Variants in VPS13C observed in about 807,000 individuals in gnomAD.
VPS13C encodes vacuolar protein sorting 13 homolog C.
VPS13C carries 358 observed loss-of-function variants against 456.8 expected under a neutral mutation model. That is an observed-to-expected ratio of 0.78 (90% CI 0.72 to 0.86). The LOEUF is 0.86. Among genes scored for constraint, VPS13C ranks in the 40% least tolerant of loss-of-function variants. The pLI, the probability that VPS13C is intolerant of heterozygous loss-of-function variation, is 0.00. For missense variants in VPS13C, 4,818 were observed against 4,385.4 expected, an observed-to-expected ratio of 1.10 and a Z score of -2.79; for synonymous variants, 1,578 against 1,486.7, an observed-to-expected ratio of 1.06 and a Z score of -1.41.
chr15:62,055,541 T>G (rs1157045085), intron 1 of VPS13C, among the ~76,000 whole-genome samples: 1 of 151,612 alleles, frequency 6.6e-6, no homozygotes, highest in Non-Finnish European at 1.5e-5. Flanking sequence ...GTGCCTGGCC[T>G]CTCAACCTTT....
chr15:61,931,602 G>T (rs1258593598), intron 49 of VPS13C, among the ~76,000 whole-genome samples: 1 of 148,168 alleles, frequency 6.7e-6, no homozygotes, highest in East Asian at 1.9e-4. Context: ...TTTTGAGATG[G>T]AGTTTCGCTC....
intron 13 of VPS13C, among the ~76,000 whole-genome samples, chr15:62,010,127 T>G (rs897228117): frequency 2.0e-5 from 3 of 151,874 alleles, no homozygotes; most frequent in African/African-American, 7.3e-5. Context: ...GAGGTAGAGC[T>G]TGCAGTGACC....
At chr15:61,951,689 A>G in intron 39 of VPS13C, 135 bp downstream of exon 39, 1 of 844,384 alleles carries the variant, frequency 1.2e-6, no homozygotes, top group Non-Finnish European at 1.7e-6. Context: ...GTACCCAGGG[A>G]CTGTTTTTGA....
intron 66 of VPS13C, among the ~76,000 whole-genome samples, chr15:61,891,982 G>C (rs1272151800): frequency 2.0e-5 from 3 of 152,128 alleles, no homozygotes; most frequent in African/African-American, 7.2e-5. Flanking sequence ...GCCTCTCCCC[G>C]AATCTGCCTG....
chr15:62,047,294 C>G (rs2048442301), intron 1 of VPS13C, among the ~76,000 whole-genome samples: 1 of 151,808 alleles, frequency 6.6e-6, no homozygotes. Flanking sequence ...CGGGCATGGG[C>G]ATGGTGGCAT....
intron 59 of VPS13C, among the ~76,000 whole-genome samples, chr15:61,917,851 C>CA (rs1430400906): frequency 6.6e-6 from 1 of 150,378 alleles, no homozygotes; most frequent in Non-Finnish European, 1.5e-5. Flanking sequence ...AACAAACAAA[C>CA]AAAAAACAAC....
Position 61,973,474 on chromosome 15 carries a change from A to G in VPS13C, c.2597T>C (p.Leu866Ser), listed in dbSNP as rs570900795. ...GTKGLLGTSL[L>S]LDTVESESDD... ...CTTACCTGATTCCACAGTGTCTAGCAATAGTGAAGTACCAAGTAGACCTTT... is the reference window on the plus strand; with the variant it reads ...CTTACCTGATTCCACAGTGTCTAGCGATAGTGAAGTACCAAGTAGACCTTT... The change falls in exon 26 of 85, where the codon TTG becomes TCG. Residue 866 changes from leucine (L) to serine (S), a missense_variant. Physicochemically the swap from Leu to Ser is moderately radical, Grantham distance 145. Around this residue, in one of 3 missense-constraint regions of VPS13C, gnomAD observed 4,552 missense variants for 4,130.6 expected, o/e 1.10. Coordinates refer to ENST00000644861, the MANE Select transcript of VPS13C (RefSeq NM_020821.3). 3.7e-5 allele frequency: 60 copies of G among 1,612,344 alleles called. No individual in the cohort carries two copies. In the East Asian group the frequency reaches 1.3e-3, roughly 35 times the overall value.
intron 38 of VPS13C, among the ~76,000 whole-genome samples, chr15:61,953,136 C>T (rs2044860927): frequency 6.6e-6 from 1 of 152,078 alleles, no homozygotes; most frequent in Non-Finnish European, 1.5e-5. Flanking sequence ...ATCCACTATG[C>T]TTTCTCACAT....
chr15:62,003,402 G>C (rs1278532792), intron 15 of VPS13C, among the ~76,000 whole-genome samples: 1 of 151,804 alleles, frequency 6.6e-6, no homozygotes, highest in African/African-American at 2.4e-5. Context: ...TTGCTTATCA[G>C]CTTAAGGAGA....
chr15:61,985,896 A>T (rs1400092415), intron 18 of VPS13C, among the ~76,000 whole-genome samples: 1 of 152,102 alleles, frequency 6.6e-6, no homozygotes, highest in Admixed American at 6.6e-5. Context: ...AGCAGGGTCA[A>T]AATTGGAAAT....
At chr15:61,943,678 A>G (rs1480651522) in intron 45 of VPS13C, among the ~76,000 whole-genome samples, 1 of 152,154 alleles carries the variant, frequency 6.6e-6, no homozygotes, top group African/African-American at 2.4e-5. Flanking sequence ...ACCTCAAACT[A>G]TAAGAATTTT....
chr15:61,928,057 G>T (rs568713641), intron 51 of VPS13C, among the ~76,000 whole-genome samples: 1 of 148,818 alleles, frequency 6.7e-6, no homozygotes, highest in East Asian at 2.0e-4. Flanking sequence ...TTGGGGGAGG[G>T]GGGAGGGATA....
Position 61,918,176 on chromosome 15 carries a change from T to G in VPS13C, c.7720A>C (p.Arg2574=), listed in dbSNP as rs922641204. ...VKLLERIGIA[R]PEEEFHVPLD... Reference sequence around the variant, plus strand: ...GGAACATGGAACTCCTCTTCAGGTCTGGCTATCCCAATGCGCTCCAATAGC... The same window carrying G: ...GGAACATGGAACTCCTCTTCAGGTCGGGCTATCCCAATGCGCTCCAATAGC... Residue 2574 remains arginine (R), a synonymous_variant, in exon 59 of 85, where the codon AGA becomes CGA. Coordinates refer to ENST00000644861, the MANE Select transcript of VPS13C (RefSeq NM_020821.3). The G allele has an allele frequency of 6.2e-7, 1 of 1,600,970 alleles. No individual in the cohort carries two copies. The highest frequency in any genetic ancestry group is 8.5e-7 in the Non-Finnish European group (1 of 1,175,414).
intron 66 of VPS13C, among the ~76,000 whole-genome samples, chr15:61,904,911 T>C (rs1049834220): frequency 1.3e-5 from 2 of 151,704 alleles, no homozygotes; most frequent in Non-Finnish European, 2.9e-5. Context: ...TTCTCACTCA[T>C]ATGTGGGAGC....
chr15:61,866,169 A>C, intron 81 of VPS13C: 1 of 984,992 alleles, frequency 1.0e-6, no homozygotes. Context: ...AAATATTTCA[A>C]TTATCCATGC....
rs2043692985 is a variant in VPS13C, at chr15:61,922,525, T to C, written c.6847A>G (p.Ile2283Val). The change falls in exon 54 of 85, where the codon ATT (isoleucine) becomes GTT (valine). Residue 2283 changes from isoleucine (I) to valine (V), a missense_variant. By Grantham distance (29) the Ile-to-Val change is conservative. Around this residue, in one of 3 missense-constraint regions of VPS13C, gnomAD observed 4,552 missense variants for 4,130.6 expected, o/e 1.10. Coordinates refer to ENST00000644861, the MANE Select transcript of VPS13C (RefSeq NM_020821.3). ...AGGCCACATTCTAAGGTAACTTGAA[T>C]GGATTCTACAACAACACCACAATTT... is the stretch of plus-strand genomic sequence containing the variant. Reference protein sequence around the residue: ...EENCGVVVESIQVTLECGLGH... With the variant: ...EENCGVVVESVQVTLECGLGH... The C allele has an allele frequency of 6.2e-7, 1 of 1,614,008 alleles. No individual in the cohort carries two copies. Among genetic ancestry groups the C allele is most frequent in the African/African-American group, 1.3e-5 (1 of 74,946 alleles).
intron 47 of VPS13C, among the ~76,000 whole-genome samples, chr15:61,938,168 T>C (rs2044289657): frequency 6.6e-6 from 1 of 152,182 alleles, no homozygotes; most frequent in East Asian, 1.9e-4. Flanking sequence ...TTTAACACCT[T>C]AGAATTTCCT....
intron 51 of VPS13C, among the ~76,000 whole-genome samples, chr15:61,928,070 AT>A (rs1215067928): frequency 9.2e-5 from 14 of 151,950 alleles, no homozygotes; most frequent in Non-Finnish European, 2.1e-4. Flanking sequence ...GAGGGATAGC[AT>A]TAGGAGATAT....
chr15:61,971,040 A>G (rs893780027), intron 27 of VPS13C, among the ~76,000 whole-genome samples: 2 of 152,168 alleles, frequency 1.3e-5, no homozygotes, highest in Admixed American at 6.5e-5. Context: ...ATGTCTGGTA[A>G]TAATGGCACA....
Sources: allele counts gnomAD v4.1 joint callset (sites outside exome capture counted in the v4.1 genomes callset), GRCh38; gene constraint gnomAD v4.1.1; regional missense constraint gnomAD v4.1.1; transcripts MANE v1.5; gene names NCBI Gene and HGNC (gene_info 2026-07-23, HGNC 2026-07-21).